SNRNP27: variants seen among roughly 807,000 people sequenced by gnomAD.
The protein encoded by SNRNP27 is small nuclear ribonucleoprotein U4/U6.U5 subunit 27.
A neutral mutation model predicts 25.1 loss-of-function variants in SNRNP27; 22 were observed. That is an observed-to-expected ratio of 0.88 (90% CI 0.63 to 1.25). SNRNP27 has a LOEUF of 1.25. SNRNP27 is among the 50% of genes most tolerant of loss of function. The pLI, the probability that SNRNP27 is intolerant of heterozygous loss-of-function variation, is 0.00. For synonymous variants in SNRNP27, 66 were observed against 64.9 expected, an observed-to-expected ratio of 1.02 and a Z score of -0.08; for missense variants, 150 against 202.3, an observed-to-expected ratio of 0.74 and a Z score of 1.57.
chr2:69,894,029 T>A lies in SNRNP27; in HGVS notation c.34+11T>A. 1 of 1,612,664 alleles carries A rather than the reference T, an allele frequency of 6.2e-7. No individual in the cohort carries two copies. The highest frequency in any genetic ancestry group is 8.5e-7 in the Non-Finnish European group (1 of 1,178,740). On this transcript the variant is annotated intron_variant, in intron 1 of 5. Transcript: ENST00000244227. Reference sequence around the variant, plus strand: ...GCTCTCCACGGAGGGGTGAGTCCTGTAGCAATTCGGAGGATATGGGGCTCT... The same window carrying A: ...GCTCTCCACGGAGGGGTGAGTCCTGAAGCAATTCGGAGGATATGGGGCTCT...
At chr2:69,903,278 A>G (rs1347367804) in intron 5 of SNRNP27, 33 bp downstream of exon 5, 2 of 1,486,066 alleles carry the variant, frequency 1.3e-6, no homozygotes, top group Admixed American at 1.7e-5. Context: ...TGTTTGAACT[A>G]ATAAATCAGT....
In SNRNP27 at chr2:69,895,132, C is replaced by G. The variant is rs1350756082; in HGVS notation, c.73C>G (p.Arg25Gly). Residue 25 changes from arginine (R) to glycine (G), a missense_variant, in exon 2 of 6, where the codon CGC becomes GGC. Arg to Gly is a moderately radical substitution (Grantham distance 125). Transcript: ENST00000244227. ...RSRSTSRERE[R>G]RRRERSRSRE... ...CCGGTCCACATCCCGGGAGAGAGAACGCAGGCGCCGAGAAAGGTCCAGGTC... is the reference window on the plus strand; with the variant it reads ...CCGGTCCACATCCCGGGAGAGAGAAGGCAGGCGCCGAGAAAGGTCCAGGTC... 6.2e-7 allele frequency: 1 copy of G among 1,613,788 alleles called. No individual in the cohort carries two copies. The highest frequency in any genetic ancestry group is 2.2e-5 in the East Asian group (1 of 44,880).
chr2:69,902,477 C>T (rs1676719554), intron 4 of SNRNP27, among the ~76,000 whole-genome samples: 1 of 152,046 alleles, frequency 6.6e-6, no homozygotes, highest in South Asian at 2.1e-4. Flanking sequence ...TCTGCTGCTG[C>T]TGTTTCTGTT....
rs1676607225 is a variant in SNRNP27, at chr2:69,896,655, T to C, written c.268+107T>C. The C allele has an allele frequency of 1.4e-5, 16 of 1,139,278 alleles. No individual in the cohort carries two copies. The South Asian group carries it at 2.7e-4, about 19-fold the overall frequency. The allele number at this position is 1,139,278 out of a possible 1,614,324, so 70.6% of individuals were successfully genotyped here. ...TAAGCCTTTTATAGTATTCATTGCA[T>C]ATGGTTTTGAGTTTTTTTTGGTTTT... On this transcript the variant is annotated intron_variant, in intron 3 of 5. Transcript: ENST00000244227.
chr2:69,899,611 G>A (rs1475426223), intron 4 of SNRNP27, among the ~76,000 whole-genome samples: 1 of 151,908 alleles, frequency 6.6e-6, no homozygotes, highest in African/African-American at 2.4e-5. Flanking sequence ...CGTATTTTTA[G>A]TAGAGATGGG....
rs932462285 is a variant in SNRNP27, at chr2:69,904,515, A to G, written c.*207A>G. 122 of 618,424 alleles carry G rather than the reference A, an allele frequency of 2.0e-4. No individual in the cohort carries two copies. The highest frequency in any genetic ancestry group is 7.4e-5 in the Non-Finnish European group (26 of 352,394). 38.3% of individuals were successfully genotyped at this position (618,424 alleles called of 1,614,324 possible). On this transcript the variant is annotated 3_prime_UTR_variant, in exon 6 of 6. Coordinates refer to ENST00000244227, the MANE Select transcript of SNRNP27 (RefSeq NM_006857.3). The stretch of plus-strand genomic sequence containing the variant: ...ATATTACATTTTTTTCTTTTAGGAA[A>G]TATCATTTGTGGCAGGCGTCAACCC...
chr2:69,902,143 T>C (rs1676709029), intron 4 of SNRNP27, among the ~76,000 whole-genome samples: 1 of 152,212 alleles, frequency 6.6e-6, no homozygotes, highest in Non-Finnish European at 1.5e-5. Flanking sequence ...TTATACCACT[T>C]GGGAGCTCAT....
intron 1 of SNRNP27, among the ~76,000 whole-genome samples, chr2:69,894,721 C>G (rs1250394390): frequency 1.3e-5 from 2 of 152,028 alleles, no homozygotes; most frequent in East Asian, 3.9e-4. Flanking sequence ...CTCTGTCGCC[C>G]GCCCAGGCTG....
chr2:69,901,105 C>T (rs543046941), intron 4 of SNRNP27, among the ~76,000 whole-genome samples: 22 of 150,796 alleles, frequency 1.5e-4, no homozygotes, highest in Non-Finnish European at 2.5e-4. Context: ...ACCCGACAGG[C>T]GGAGGTTGCA....
Position 69,896,361 on chromosome 2 carries a change from T to C in SNRNP27, c.156-75T>C. On this transcript the variant is annotated intron_variant, in intron 2 of 5. Transcript: ENST00000244227. ...GACTCGTGGTTCTGTGGAGCTCACC[T>C]CATGTATATCTGTGCTGATTGATAC... 4 of 1,348,300 alleles carry C rather than the reference T, an allele frequency of 3.0e-6. No homozygotes were observed. The South Asian group carries it at 5.0e-5, about 17-fold the overall frequency. 83.5% of individuals were successfully genotyped at this position (1,348,300 alleles called of 1,614,324 possible). A position where few individuals can be genotyped will look rare whatever the true frequency, so the allele number is the denominator to read the frequency against.
At chr2:69,898,631 G>T (rs13015457) in intron 4 of SNRNP27, among the ~76,000 whole-genome samples, 81,456 of 151,942 alleles carry the variant, frequency 0.54, 23,879 homozygotes, top group African/African-American at 0.79. Context: ...TAATCTCAGT[G>T]GCTGTAAGTT....
chr2:69,896,676 G>GT (rs35135448), intron 3 of SNRNP27, 128 bp downstream of exon 3: 208,662 of 661,170 alleles, frequency 0.32, 9,059 homozygotes, highest in African/African-American at 0.45. Context: ...GTTTTTTTTG[G>GT]TTTTTTTTTT....
At chr2:69,894,663 GT>G (rs113333621) in intron 1 of SNRNP27, among the ~76,000 whole-genome samples, 11 of 148,666 alleles carry the variant, frequency 7.4e-5, no homozygotes, top group South Asian at 2.2e-4. Flanking sequence ...CCCCTGATTC[GT>G]TTTTTTTTTA....
chr2:69,897,859 GCTTTTGATGCC>G, intron 4 of SNRNP27: 1 of 161,148 alleles, frequency 6.2e-6, no homozygotes, highest in African/African-American at 2.4e-5. Flanking sequence ...ATCACAGAGG[GCTTTTGATGCC>G]CTTAGTCATG....
chr2:69,896,309 CT>C, intron 2 of SNRNP27, 126 bp from the exon 3 acceptor site: 19 of 873,480 alleles, frequency 2.2e-5, no homozygotes, highest in South Asian at 4.2e-5. Flanking sequence ...TTGGCAGAAC[CT>C]TTTTCCTCAC....
rs551871193 is a variant in SNRNP27, at chr2:69,901,535, G to C, written c.349-1646G>C. Among the ~76,000 whole-genome samples, 20 of 152,314 alleles carry C rather than the reference G, an allele frequency of 1.3e-4. 1 individual carries two copies. In the South Asian group the frequency reaches 3.7e-3, roughly 28 times the overall value. On this transcript the variant is annotated intron_variant, in intron 4 of 5. Transcript: ENST00000244227. ...TTCTTGATTTAAAGATCAAAATTGG[G>C]CTGGGCACAACGGCTCATGCCTGGG...
rs1676601188 is a variant in SNRNP27 at position 69,896,487 on chromosome 2, A to T, written c.207A>T (p.Glu69Asp). 1.9e-6 allele frequency: 3 copies of T among 1,610,760 alleles called. No individual in the cohort carries two copies. The highest frequency in any genetic ancestry group is 1.7e-5 in the Admixed American group (1 of 60,004). The change falls in exon 3 of 6, where the codon GAA (glutamate) becomes GAT (aspartate). Residue 69 changes from glutamate (E) to aspartate (D), a missense_variant. Physicochemically the swap from Glu to Asp is conservative, Grantham distance 45. This residue lies in a region of SNRNP27 where 142 missense variants were observed against 168.6 expected (regional missense o/e 0.84). Coordinates refer to ENST00000244227, the MANE Select transcript of SNRNP27 (RefSeq NM_006857.3). The stretch of plus-strand genomic sequence containing the variant: ...CTCCTTCCCCTTCTCGACTGAAAGA[A>T]AGAAGAGATGAGGAAAAGAAAGAAA... ...STSPSPSRLK[E>D]RRDEEKKETK...
In SNRNP27 at chr2:69,905,027, T is replaced by C. The variant is rs899825273; in HGVS notation, c.*719T>C. 14 of 152,200 alleles carry C rather than the reference T, an allele frequency of 9.2e-5. No individual in the cohort carries two copies. The highest frequency in any genetic ancestry group is 3.4e-4 in the African/African-American group (14 of 41,450). The allele number at this position is 152,200 out of a possible 1,614,324, so 9.4% of individuals were successfully genotyped here. ...ATCCCACCTATGAGATCAGAATATGTATGCAGTTCTTTCTTTAACCCTTTT... is the reference window on the plus strand; with the variant it reads ...ATCCCACCTATGAGATCAGAATATGCATGCAGTTCTTTCTTTAACCCTTTT... On this transcript the variant is annotated 3_prime_UTR_variant, in exon 6 of 6. Coordinates refer to ENST00000244227, the MANE Select transcript of SNRNP27 (RefSeq NM_006857.3).
chr2:69,894,738 A>G (rs1676568966), intron 1 of SNRNP27, among the ~76,000 whole-genome samples: 1 of 152,044 alleles, frequency 6.6e-6, no homozygotes, highest in Non-Finnish European at 1.5e-5. Context: ...GCTGGAGTGC[A>G]GTGGCCGATC....
Sources: gnomAD v4.1 joint callset for allele counts (sites outside exome capture counted in the v4.1 genomes callset) on GRCh38, gnomAD v4.1.1 for gene constraint, gnomAD v4.1.1 regional missense constraint, MANE v1.5 for transcripts, NCBI Gene and HGNC (gene_info 2026-07-23, HGNC 2026-07-21) for gene names.